MINDY4: variants seen among roughly 807,000 people sequenced by gnomAD.
MINDY4 encodes probable ubiquitin carboxyl-terminal hydrolase MINDY-4.
A neutral mutation model predicts 87.0 loss-of-function variants in MINDY4; 68 were observed. The observed-to-expected ratio is 0.78, with a 90% CI of 0.64 to 0.96. The LOEUF (loss-of-function observed/expected upper bound fraction) is 0.96. MINDY4 is among the 40% of genes least tolerant of loss of function. The pLI is 0.00. For synonymous variants in MINDY4, 379 were observed against 363.2 expected (o/e 1.04, Z -0.50); for missense variants, 919 against 928.2 (o/e 0.99, Z 0.13).
chr7:30,816,839 A>G (rs1195008692), intron 5 of MINDY4, among the ~76,000 whole-genome samples: 2 of 152,216 alleles, frequency 1.3e-5, no homozygotes, highest in East Asian at 3.8e-4. Context: ...CAGCAATTCT[A>G]GTCAGGTTTT....
intron 4 of MINDY4, among the ~76,000 whole-genome samples, chr7:30,790,099 C>T (rs1204284496): frequency 3.3e-5 from 5 of 152,336 alleles, no homozygotes; most frequent in East Asian, 3.9e-4. Flanking sequence ...TGCTGCAATA[C>T]GTCTGGCTCT....
At chr7:30,849,971 G>A (rs937771489) in intron 9 of MINDY4, among the ~76,000 whole-genome samples, 2 of 152,250 alleles carry the variant, frequency 1.3e-5, no homozygotes, top group Non-Finnish European at 2.9e-5. Context: ...CAGCAAGTGA[G>A]GCTGCTGTCC....
chr7:30,884,647 A>G (rs1334082886), intron 17 of MINDY4, among the ~76,000 whole-genome samples: 2 of 151,582 alleles, frequency 1.3e-5, no homozygotes, highest in Non-Finnish European at 2.9e-5. Flanking sequence ...GTGTCTCTCT[A>G]CCCCTCCCAG....
intron 5 of MINDY4, among the ~76,000 whole-genome samples, chr7:30,793,364 T>TA (rs1474096678): frequency 6.6e-6 from 1 of 151,616 alleles, no homozygotes; most frequent in Non-Finnish European, 1.5e-5. Flanking sequence ...TATTTTTTTT[T>TA]AGCAGGTATG....
chr7:30,843,469 G>A (rs1270462309), intron 9 of MINDY4, among the ~76,000 whole-genome samples: 2 of 152,198 alleles, frequency 1.3e-5, no homozygotes, highest in African/African-American at 2.4e-5. Flanking sequence ...AGTTGCTTTT[G>A]AACTTCACCG....
chr7:30,880,288 T>G (rs1790419406), intron 15 of MINDY4, among the ~76,000 whole-genome samples: 1 of 148,032 alleles, frequency 6.8e-6, no homozygotes, highest in Non-Finnish European at 1.5e-5. Context: ...GTAGGAAATG[T>G]GGCCCTCCCC....
intron 13 of MINDY4, among the ~76,000 whole-genome samples, chr7:30,859,862 G>A (rs112001361): frequency 6.6e-6 from 1 of 152,110 alleles, no homozygotes; most frequent in African/African-American, 2.4e-5. Context: ...CTTTTGGCAG[G>A]GTCTCTATGC....
chr7:30,886,788 A>G (rs1790644194), intron 17 of MINDY4, among the ~76,000 whole-genome samples: 3 of 152,190 alleles, frequency 2.0e-5, no homozygotes, highest in Admixed American at 2.0e-4. Flanking sequence ...CCTCGGCCTG[A>G]GAGAGTCTCC....
intron 5 of MINDY4, among the ~76,000 whole-genome samples, chr7:30,791,904 A>C (rs6947493): frequency 0.053 from 8,013 of 152,212 alleles, 374 homozygotes; most frequent in East Asian, 0.21. Flanking sequence ...TGCAAAAAAA[A>C]CTCAATGTTT....
chr7:30,780,190 G>T (rs993567514), intron 2 of MINDY4: 3 of 152,208 alleles, frequency 2.0e-5, no homozygotes, highest in Admixed American at 2.0e-4. Context: ...TCTAAGTCCT[G>T]TGGAAAGACT....
intron 13 of MINDY4, among the ~76,000 whole-genome samples, chr7:30,868,009 G>T (rs1349673527): frequency 6.6e-6 from 1 of 152,196 alleles, no homozygotes; most frequent in Non-Finnish European, 1.5e-5. Flanking sequence ...CCCAGTCAGG[G>T]GCCGAGTGGA....
rs1255155128 is a variant in MINDY4 at position 30,791,298 on chromosome 7, C to T, written c.797C>T (p.Ser266Phe). 3.1e-6 allele frequency: 5 copies of T among 1,614,024 alleles called. No individual in the cohort carries two copies. Among genetic ancestry groups the T allele is most frequent in the Non-Finnish European group, 4.2e-6 (5 of 1,180,028 alleles). ...QQDILASSNS[S>F]PSRTSLGQLS... ...GACATTCTGGCTTCGAGCAACAGCT[C>T]CCCCTCCAGGACCTCCCTGGGTCAG... The change falls in exon 5 of 18, where the codon TCC becomes TTC. Residue 266 changes from serine to phenylalanine, a missense_variant. Ser to Phe is a radical substitution (Grantham distance 155, BLOSUM62 -2). Coordinates refer to ENST00000265299, the MANE Select transcript of MINDY4 (RefSeq NM_032222.3).
intron 12 of MINDY4, among the ~76,000 whole-genome samples, chr7:30,856,625 G>A (rs1413206159): frequency 6.6e-6 from 1 of 152,118 alleles, no homozygotes; most frequent in African/African-American, 2.4e-5. Flanking sequence ...AAGTACTGCA[G>A]CTGCCCCAGG....
At chr7:30,890,074 C>G (rs1220558646) in intron 17 of MINDY4, among the ~76,000 whole-genome samples, 1 of 152,208 alleles carries the variant, frequency 6.6e-6, no homozygotes, top group Non-Finnish European at 1.5e-5. Context: ...TGAGATCTTT[C>G]AGCATCACTG....
chr7:30,818,368 G>T (rs955206860), intron 5 of MINDY4, among the ~76,000 whole-genome samples: 1 of 152,198 alleles, frequency 6.6e-6, no homozygotes, highest in African/African-American at 2.4e-5. Context: ...TAGAATCAAG[G>T]TTGTGGTAAC....
At chr7:30,792,436 G>A (rs1405745374) in intron 5 of MINDY4, among the ~76,000 whole-genome samples, 3 of 152,156 alleles carry the variant, frequency 2.0e-5, no homozygotes, top group Non-Finnish European at 4.4e-5. Context: ...AAGAGTGAGT[G>A]TAAGATTGAT....
chr7:30,781,770 A>T (rs1203314343), intron 2 of MINDY4: 8 of 543,524 alleles, frequency 1.5e-5, no homozygotes, highest in Non-Finnish European at 2.6e-5. Flanking sequence ...TAGTTCTTTT[A>T]GGGTAGAGAT....
chr7:30,799,378 A>G (rs746546887), intron 5 of MINDY4, among the ~76,000 whole-genome samples: 8 of 152,292 alleles, frequency 5.3e-5, no homozygotes, highest in South Asian at 2.1e-4. Flanking sequence ...CTGTGGGTAT[A>G]TAGTAAATGG....
chr7:30,869,451 T>G (rs929358992), intron 13 of MINDY4, among the ~76,000 whole-genome samples: 2 of 152,190 alleles, frequency 1.3e-5, no homozygotes, highest in African/African-American at 4.8e-5. Flanking sequence ...AGGGCTGCCA[T>G]AATGACAGAC....
Sources: gnomAD v4.1 joint callset for allele counts (sites outside exome capture counted in the v4.1 genomes callset) on GRCh38, gnomAD v4.1.1 for gene constraint, MANE v1.5 for transcripts, NCBI Gene and HGNC (gene_info 2026-07-23, HGNC 2026-07-21) for gene names.